The following ATP10A variants were observed in gnomAD, a reference collection of about 807,000 sequenced individuals.
The protein encoded by ATP10A is ATPase phospholipid transporting 10A (putative), also known as phospholipid-transporting ATPase VA.
ATP10A carries 111 observed loss-of-function variants against 147.8 expected under a neutral mutation model. That is an observed-to-expected ratio of 0.75 (90% confidence interval 0.64 to 0.88). ATP10A has a LOEUF of 0.88. Among genes scored for constraint, ATP10A ranks in the 40% least tolerant of loss-of-function variants. ATP10A has a pLI of 0.00. For missense variants in ATP10A, 1,927 were observed against 1,959.0 expected (o/e 0.98, Z 0.31); for synonymous variants, 875 against 841.6 (o/e 1.04, Z -0.69).
chr15:25,702,584 T>C lies in ATP10A; in HGVS notation c.2576-484A>G, dbSNP rs115250739. On this transcript the variant is annotated intron_variant, in intron 12 of 20. Transcript: ENST00000555815. ...CAACAATGCTTATTACTAGTCACTA[T>C]AGAAACAGACTTCACAGGTAAGGCC... 3.0e-3 allele frequency among the ~76,000 whole-genome samples: 461 copies of C among 152,320 alleles called. 3 individuals are homozygous for C. The highest frequency in any genetic ancestry group is 0.011 in the African/African-American group (442 of 41,580).
intron 10 of ATP10A, chr15:25,708,568 G>A (rs969724222): frequency 9.9e-6 from 4 of 405,330 alleles, no homozygotes; most frequent in Admixed American, 4.2e-5. Context: ...TCATCCACCC[G>A]CCTCGGCCTC....
intron 1 of ATP10A, among the ~76,000 whole-genome samples, chr15:25,851,762 C>T (rs984059710): frequency 1.6e-4 from 25 of 152,074 alleles, no homozygotes; most frequent in African/African-American, 6.0e-4. Flanking sequence ...ATTCTTTGGG[C>T]TTGGAGGCAC....
chr15:25,838,806 A>G (rs1203483042), intron 1 of ATP10A, among the ~76,000 whole-genome samples: 2 of 152,278 alleles, frequency 1.3e-5, no homozygotes, highest in East Asian at 3.9e-4. Context: ...ACTCCAGGGT[A>G]CTACTGCAAT....
chr15:25,795,473 G>A (rs947185813), intron 1 of ATP10A, among the ~76,000 whole-genome samples: 1 of 152,170 alleles, frequency 6.6e-6, no homozygotes, highest in Non-Finnish European at 1.5e-5. Context: ...ATTGTAAATA[G>A]GAACAAGAAC....
At chr15:25,856,921 C>A (rs1893542446) in intron 1 of ATP10A, among the ~76,000 whole-genome samples, 1 of 152,080 alleles carries the variant, frequency 6.6e-6, no homozygotes, top group African/African-American at 2.4e-5. Flanking sequence ...CCCTGGAAAA[C>A]CCCATAGGAC....
At chr15:25,848,998 A>C (rs1893157764) in intron 1 of ATP10A, among the ~76,000 whole-genome samples, 1 of 151,988 alleles carries the variant, frequency 6.6e-6, no homozygotes. Context: ...CCGCTGTGGG[A>C]GGGGGAACAT....
rs576812655 is a variant in ATP10A, at chr15:25,836,607, G to A, written c.449+26041C>T. Among the ~76,000 whole-genome samples, 9 of 152,318 alleles carry A rather than the reference G, an allele frequency of 5.9e-5. No homozygotes were observed. The South Asian group carries it at 6.2e-4, about 11-fold the overall frequency. Reference sequence around the variant, plus strand: ...TTCTGAAGGGTGTCTTCCAGGCAGCGCGGCCAGAGCTGAGCAGCCTCCCTG... The same window carrying A: ...TTCTGAAGGGTGTCTTCCAGGCAGCACGGCCAGAGCTGAGCAGCCTCCCTG... On this transcript the variant is annotated intron_variant, in intron 1 of 20. Coordinates refer to ENST00000555815, the MANE Select transcript of ATP10A (RefSeq NM_024490.4).
chr15:25,858,305 C>G (rs1893605138), intron 1 of ATP10A, among the ~76,000 whole-genome samples: 1 of 151,994 alleles, frequency 6.6e-6, no homozygotes, highest in Non-Finnish European at 1.5e-5. Flanking sequence ...GCTGTGCTTC[C>G]CAGGGGAAAG....
intron 2 of ATP10A, among the ~76,000 whole-genome samples, chr15:25,737,242 C>T (rs1489557493): frequency 6.6e-6 from 1 of 152,184 alleles, no homozygotes; most frequent in African/African-American, 2.4e-5. Context: ...GGCTCTGTTT[C>T]AAGGAGTCTT....
At chr15:25,785,458 A>T (rs1051005372) in intron 1 of ATP10A, among the ~76,000 whole-genome samples, 2 of 152,032 alleles carry the variant, frequency 1.3e-5, no homozygotes, top group Non-Finnish European at 2.9e-5. Context: ...TGTTGAAGTC[A>T]CCCCATCTGT....
At chr15:25,680,671 CCTT>C in intron 19 of ATP10A, 136 bp downstream of exon 19, 2 of 819,864 alleles carry the variant, frequency 2.4e-6, no homozygotes, top group Non-Finnish European at 4.1e-6. Flanking sequence ...GTGTCATTGT[CCTT>C]CTCATCACAC....
intron 1 of ATP10A, among the ~76,000 whole-genome samples, chr15:25,833,965 G>A (rs1267679565): frequency 1.3e-5 from 2 of 151,196 alleles, no homozygotes; most frequent in African/African-American, 2.4e-5. Context: ...GAGGGAGACT[G>A]TGTCTCAAAA....
chr15:25,683,530 C>A (rs1224292996), intron 16 of ATP10A, 44 bp from the exon 17 acceptor site: 1 of 1,544,986 alleles, frequency 6.5e-7, no homozygotes, highest in Non-Finnish European at 8.8e-7. Context: ...AGTCTTCAGC[C>A]ATTGCTGAGG....
At chr15:25,706,170 C>T (rs539062140) in intron 12 of ATP10A, among the ~76,000 whole-genome samples, 2 of 152,342 alleles carry the variant, frequency 1.3e-5, no homozygotes, top group South Asian at 4.1e-4. Context: ...ATGACTGGAA[C>T]TCAAGTTAAC....
At chr15:25,844,314 C>T (rs904972945) in intron 1 of ATP10A, among the ~76,000 whole-genome samples, 7 of 152,026 alleles carry the variant, frequency 4.6e-5, no homozygotes, top group Admixed American at 2.0e-4. Flanking sequence ...GGAGCCTCTA[C>T]GAAAGGGAGG....
intron 7 of ATP10A, among the ~76,000 whole-genome samples, chr15:25,719,888 T>C (rs1201797394): frequency 6.6e-6 from 1 of 152,222 alleles, no homozygotes; most frequent in African/African-American, 2.4e-5. Context: ...TGAACTCCTT[T>C]ATGAGTGACA....
rs192239336 is a variant in ATP10A at position 25,833,929 on chromosome 15, G to A, written c.449+28719C>T. ...GGAGCTTGCAGTGAGCCCAGATGGC[G>A]CCACTGCACTCCAGCCTGGGCAACA... On this transcript the variant is annotated intron_variant, in intron 1 of 20. Coordinates refer to ENST00000555815, the MANE Select transcript of ATP10A (RefSeq NM_024490.4). 4.6e-5 allele frequency among the ~76,000 whole-genome samples: 7 copies of A among 151,854 alleles called. No individual in the cohort carries two copies. In the East Asian group the frequency reaches 5.8e-4, roughly 13 times the overall value.
At chr15:25,718,118 C>A in intron 8 of ATP10A, 64 bp downstream of exon 8, 2 of 1,520,112 alleles carry the variant, frequency 1.3e-6, no homozygotes, top group Non-Finnish European at 9.0e-7. Context: ...CTTCCATGAG[C>A]GGGGGATGGT....
intron 9 of ATP10A, among the ~76,000 whole-genome samples, chr15:25,716,156 T>G (rs1901791944): frequency 6.6e-6 from 1 of 152,212 alleles, no homozygotes; most frequent in Non-Finnish European, 1.5e-5. Context: ...ATCCTCCCCA[T>G]GGCCCCACGG....
Sources: gnomAD v4.1 joint callset for allele counts (sites outside exome capture counted in the v4.1 genomes callset) on GRCh38, gnomAD v4.1.1 for gene constraint, MANE v1.5 for transcripts, NCBI Gene and HGNC (gene_info 2026-07-23, HGNC 2026-07-21) for gene names.